The following BRF1 variants were observed in gnomAD, a reference collection of about 807,000 sequenced individuals.
BRF1 encodes transcription factor IIIB 90 kDa subunit.
BRF1 carries 59 observed loss-of-function variants against 81.7 expected under a neutral mutation model. The observed-to-expected ratio is 0.72, with a 90% CI of 0.59 to 0.90. The LOEUF (loss-of-function observed/expected upper bound fraction) is 0.90, where lower values mean the gene tolerates loss of function less well. Among genes scored for constraint, BRF1 ranks in the 40% least tolerant of loss-of-function variants. The pLI is 0.00. For synonymous variants in BRF1, 491 were observed against 395.6 expected, an observed-to-expected ratio of 1.24 and a Z score of -2.86; for missense variants, 1,050 against 936.3, an observed-to-expected ratio of 1.12 and a Z score of -1.58.
At chr14:105,280,182 C>T (rs1201841632) in intron 2 of BRF1, among the ~76,000 whole-genome samples, 1 of 152,246 alleles carries the variant, frequency 6.6e-6, no homozygotes, top group Non-Finnish European at 1.5e-5. Flanking sequence ...TGTGGCGCAC[C>T]TAGGCGGTGG....
intron 5 of BRF1, chr14:105,248,102 A>C: frequency 1.0e-6 from 1 of 985,442 alleles, no homozygotes; most frequent in Non-Finnish European, 1.2e-6. Flanking sequence ...CTCGAGGAAA[A>C]TGCCGGGAAA....
At chr14:105,248,568 C>CTCGGGCGG (rs2055303323) in intron 5 of BRF1, 1 of 203,382 alleles carries the variant, frequency 4.9e-6, no homozygotes, top group South Asian at 2.0e-4. Flanking sequence ...CGGGTACGGG[C>CTCGGGCGG]TCGGGCGGGC....
At chr14:105,256,412 A>G in intron 4 of BRF1, 106 bp downstream of exon 4, 1 of 1,612,646 alleles carries the variant, frequency 6.2e-7, no homozygotes, top group South Asian at 1.1e-5. Flanking sequence ...CAGACCGGCC[A>G]CTGAGATGCG....
intron 6 of BRF1, among the ~76,000 whole-genome samples, chr14:105,229,514 G>C (rs1196239821): frequency 2.6e-5 from 4 of 152,206 alleles, no homozygotes; most frequent in African/African-American, 4.8e-5. Context: ...TCCAATTCCG[G>C]AGCTGGGGTA....
upstream of BRF1, among the ~76,000 whole-genome samples, chr14:105,305,924 C>T (rs1396014481): frequency 6.6e-6 from 1 of 152,236 alleles, no homozygotes. Flanking sequence ...AAAGAGGACG[C>T]TGGAAACGTG....
intron 5 of BRF1, chr14:105,249,673 C>T (rs200619567): frequency 6.2e-6 from 10 of 1,612,864 alleles, no homozygotes; most frequent in African/African-American, 4.0e-5. Flanking sequence ...ATCTGGAAGC[C>T]GACACGGTGC....
chr14:105,246,791 G>A lies in BRF1; in HGVS notation c.545-5377C>T, dbSNP rs1025397204. 8.1e-6 allele frequency: 8 copies of A among 982,390 alleles called. No individual in the cohort carries two copies. In the African/African-American group the frequency reaches 8.8e-5, roughly 11 times the overall value. The allele number at this position is 982,390 out of a possible 1,614,324, so 60.9% of individuals were successfully genotyped here. On this transcript the variant is annotated intron_variant, in intron 5 of 17. Coordinates refer to ENST00000547530, the MANE Select transcript of BRF1 (RefSeq NM_001519.4). Reference sequence around the variant, plus strand: ...ACATATTTAAAAATCAAAGTGCAAAGGGTGGTTTCTTTCTAAGGATGAAAA... The same window carrying A: ...ACATATTTAAAAATCAAAGTGCAAAAGGTGGTTTCTTTCTAAGGATGAAAA...
intron 12 of BRF1, 142 bp from the exon 13 acceptor site, chr14:105,219,374 CT>C: frequency 6.8e-7 from 1 of 1,478,394 alleles, no homozygotes; most frequent in Non-Finnish European, 9.0e-7. Flanking sequence ...GGAGCCTGGG[CT>C]GAGGCCTCAT....
rs1288948388 is a variant in BRF1 at position 105,217,580 on chromosome 14, C to T, written c.1736G>A (p.Arg579Lys). The T allele has an allele frequency of 1.2e-6, 2 of 1,613,546 alleles. No homozygotes were observed. The highest frequency in any genetic ancestry group is 1.7e-6 in the Non-Finnish European group (2 of 1,179,992). Reference sequence around the variant, plus strand: ...ACTGGTCACAGGGTCAGCCCCACTTCTGCTGGCCGGCGTCCTCCTTCGTGA... The same window carrying T: ...ACTGGTCACAGGGTCAGCCCCACTTTTGCTGGCCGGCGTCCTCCTTCGTGA... Reference protein sequence around the residue: ...KLSRRRTPASRSGADPVTSVG... With the variant: ...KLSRRRTPASKSGADPVTSVG... Residue 579 changes from arginine (R) to lysine (K), a missense_variant, in exon 15 of 18, where the codon AGA becomes AAA. Arg to Lys is a conservative substitution (Grantham distance 26). Transcript: ENST00000547530.
At chr14:105,248,555 C>CGGCGGGTACGGGCTCG (rs894667193) in intron 5 of BRF1, 49 of 485,360 alleles carry the variant, frequency 1.0e-4, no homozygotes, top group African/African-American at 4.6e-4. Flanking sequence ...ACCGGCGCCG[C>CGGCGGGTACGGGCTCG]GGCGGGTACG....
intron 5 of BRF1, chr14:105,249,217 G>T (rs770427024): frequency 1.3e-6 from 2 of 1,587,348 alleles, no homozygotes; most frequent in Non-Finnish European, 1.7e-6. Flanking sequence ...TGGGGCCCCC[G>T]GGGGCGACCA....
chr14:105,252,476 G>A (rs748893420), intron 5 of BRF1, 31 bp downstream of exon 5: 11 of 1,608,476 alleles, frequency 6.8e-6, no homozygotes, highest in East Asian at 6.7e-5. Context: ...GCAGCCTGCC[G>A]GACACCCCAG....
chr14:105,256,001 T>G (rs1595400855), intron 4 of BRF1, among the ~76,000 whole-genome samples: 1 of 152,052 alleles, frequency 6.6e-6, no homozygotes, highest in East Asian at 1.9e-4. Context: ...GGTGGGCACC[T>G]GTGGTCCCAG....
At chr14:105,242,403 G>A (rs587655291) in intron 5 of BRF1, 3 of 152,184 alleles carry the variant, frequency 2.0e-5, no homozygotes, top group Admixed American at 1.3e-4. Flanking sequence ...TTTTCAATAA[G>A]ATACAATCAT....
chr14:105,263,643 C>T (rs755838372), intron 3 of BRF1, among the ~76,000 whole-genome samples: 3 of 151,926 alleles, frequency 2.0e-5, no homozygotes, highest in Non-Finnish European at 4.4e-5. Flanking sequence ...GTTAAATTCC[C>T]GGCCGGGCGC....
chr14:105,306,644 C>T lies in BRF1; in HGVS notation c.-162+8678G>A, dbSNP rs587684281. On this transcript the variant is annotated intron_variant, in intron 1 of 17. Transcript: ENST00000327359. ...TTTTTGAGACTGAGTCTCGCTGTGT[C>T]GCCCAGGCTGTAGTGCAATGGCACG... Among the ~76,000 whole-genome samples the T allele has an allele frequency of 5.9e-4, 90 of 151,652 alleles. 1 individual carries two copies. Among genetic ancestry groups the T allele is most frequent in the African/African-American group, 2.0e-3 (84 of 41,340 alleles).
intron 5 of BRF1, chr14:105,247,338 A>G: frequency 1.0e-6 from 1 of 985,430 alleles, no homozygotes; most frequent in Non-Finnish European, 1.2e-6. Flanking sequence ...ACTACGTGAC[A>G]AGTCTCAAGT....
At chr14:105,277,621 C>G (rs2056900839) in intron 2 of BRF1, among the ~76,000 whole-genome samples, 1 of 152,240 alleles carries the variant, frequency 6.6e-6, no homozygotes, top group Admixed American at 6.5e-5. Flanking sequence ...ATCTCCAGCT[C>G]AAACTTTCCA....
At chr14:105,243,314 G>A (rs1417929073) in intron 5 of BRF1, among the ~76,000 whole-genome samples, 2 of 151,722 alleles carry the variant, frequency 1.3e-5, no homozygotes, top group East Asian at 3.9e-4. Flanking sequence ...GCCGGGTGTG[G>A]TGGCGGGCAC....
Sources: allele counts gnomAD v4.1 joint callset (sites outside exome capture counted in the v4.1 genomes callset), GRCh38; gene constraint gnomAD v4.1.1; transcripts MANE v1.5; gene names NCBI Gene and HGNC (gene_info 2026-07-23, HGNC 2026-07-21).